Variants in OR1F1 observed in about 807,000 individuals in gnomAD.
OR1F1 encodes the protein olfactory receptor 1F1.
For synonymous variants in OR1F1, 184 were observed against 156.7 expected (o/e 1.17, Z -1.30); for missense variants, 493 against 376.3 (o/e 1.31, Z -2.57).
exon 1 of OR1F1, chr16:3,204,764 C>T (rs771230481): frequency 2.0e-5 from 32 of 1,614,014 alleles, no homozygotes; most frequent in African/African-American, 2.7e-5. Flanking sequence ...GCAGACAATG[C>T]CATCACTCAC....
upstream of OR1F1, among the ~76,000 whole-genome samples, chr16:3,199,590 C>G (rs535518812): frequency 1.3e-5 from 2 of 152,256 alleles, no homozygotes; most frequent in Non-Finnish European, 2.9e-5. Flanking sequence ...CTTGGCCTCC[C>G]AAAGTGCTAG....
chr16:3,204,827 T>A lies in OR1F1; in HGVS notation c.581T>A (p.Leu194His), dbSNP rs756218679. 3.7e-6 allele frequency: 6 copies of A among 1,614,154 alleles called. No individual in the cohort carries two copies. In the South Asian group the frequency reaches 6.6e-5, roughly 18 times the overall value. Residue 194 changes from leucine (L) to histidine (H), a missense_variant, in exon 1 of 1, where the codon CTC (leucine) becomes CAC (histidine). By Grantham distance (99) the Leu-to-His change is moderately conservative. Transcript: ENST00000304646. ...AAACTCTCCTGCTCAGACACACACC[T>A]CAATGAGGTCATAATCCTTAGTGAG...
At chr16:3,204,109 A>G (rs1958169949), upstream of OR1F1, 1 of 655,342 alleles carries the variant, frequency 1.5e-6, no homozygotes, top group Non-Finnish European at 2.6e-6. Flanking sequence ...TAGCAGCCCC[A>G]GCAGGGTTGA....
At chr16:3,196,967 G>T in the OR1F1 span, among the ~76,000 whole-genome samples, 2 of 152,156 alleles carry the variant, frequency 1.3e-5, no homozygotes, top group South Asian at 4.1e-4. Context: ...ACCTCCGCCT[G>T]CCGGCTTCAA....
chr16:3,205,138 A>C (rs1171917087), exon 1 of OR1F1: 1 of 1,613,038 alleles, frequency 6.2e-7, no homozygotes, highest in East Asian at 2.2e-5. Context: ...CAGGTACTTG[A>C]AAGGGGCTCT....
upstream of OR1F1, among the ~76,000 whole-genome samples, chr16:3,200,368 A>C (rs1958123101): frequency 6.6e-6 from 1 of 152,170 alleles, no homozygotes; most frequent in African/African-American, 2.4e-5. Flanking sequence ...CCACTTTCGG[A>C]GGCCGAGAGG....
the OR1F1 span, among the ~76,000 whole-genome samples, chr16:3,191,678 G>A: frequency 1.3e-5 from 2 of 151,956 alleles, no homozygotes; most frequent in Non-Finnish European, 2.9e-5. Flanking sequence ...CTCAATGATT[G>A]AATTTTGGTC....
the OR1F1 span, chr16:3,191,435 G>C: frequency 6.6e-6 from 1 of 152,222 alleles, no homozygotes; most frequent in South Asian, 2.1e-4. Flanking sequence ...GATTCATTAC[G>C]TCACTTAGTT....
the OR1F1 span, among the ~76,000 whole-genome samples, chr16:3,194,035 T>G: frequency 6.6e-6 from 1 of 152,068 alleles, no homozygotes; most frequent in Non-Finnish European, 1.5e-5. Context: ...TATCACGCCT[T>G]TTAAAAAGGA....
At chr16:3,193,805 C>G in the OR1F1 span, among the ~76,000 whole-genome samples, 2 of 152,188 alleles carry the variant, frequency 1.3e-5, no homozygotes, top group African/African-American at 4.8e-5. Flanking sequence ...CTATGTTGCT[C>G]AAGCTGGCAT....
chr16:3,195,676 C>CA, the OR1F1 span, among the ~76,000 whole-genome samples: 49,488 of 99,062 alleles, frequency 0.5, 10,619 homozygotes, highest in African/African-American at 0.56. Flanking sequence ...GAGTGGAACT[C>CA]AAAAAAAAAA....
chr16:3,200,532 G>A (rs1329512995), upstream of OR1F1, among the ~76,000 whole-genome samples: 1 of 152,150 alleles, frequency 6.6e-6, no homozygotes, highest in Non-Finnish European at 1.5e-5. Flanking sequence ...GCGTGGACCC[G>A]GGAGGCAGTG....
At chr16:3,204,985 G>A in exon 1 of OR1F1, 1 of 1,614,176 alleles carries the variant, frequency 6.2e-7, no homozygotes, top group Non-Finnish European at 8.5e-7. Context: ...TCACCTGGCT[G>A]TGGTTCTCCT....
upstream of OR1F1, among the ~76,000 whole-genome samples, chr16:3,202,660 A>AAATAAT (rs3064190): frequency 9.6e-3 from 1,361 of 141,812 alleles, 10 homozygotes; most frequent in East Asian, 0.021. Context: ...TTCCATCTCA[A>AAATAAT]AATAATAATA....
At chr16:3,197,458 C>T in the OR1F1 span, among the ~76,000 whole-genome samples, 1 of 152,238 alleles carries the variant, frequency 6.6e-6, no homozygotes, top group South Asian at 2.1e-4. Flanking sequence ...CTCTGGCATG[C>T]TTTCCTCTAA....
chr16:3,200,165 A>G (rs539678404), upstream of OR1F1, among the ~76,000 whole-genome samples: 4 of 152,122 alleles, frequency 2.6e-5, no homozygotes, highest in Non-Finnish European at 5.9e-5. Context: ...ATGGTTATTC[A>G]TAAGGAGATG....
the OR1F1 span, among the ~76,000 whole-genome samples, chr16:3,195,932 A>G: frequency 1.3e-5 from 2 of 152,182 alleles, no homozygotes; most frequent in Non-Finnish European, 2.9e-5. Flanking sequence ...CAGCCCCACC[A>G]GGTGGGTTTG....
At chr16:3,201,845 G>A (rs1958139028), upstream of OR1F1, among the ~76,000 whole-genome samples, 1 of 152,220 alleles carries the variant, frequency 6.6e-6, no homozygotes, top group South Asian at 2.1e-4. Context: ...ATGACTCAGT[G>A]ACCCAAACGT....
At chr16:3,201,969 G>C (rs1234903929), upstream of OR1F1, among the ~76,000 whole-genome samples, 1 of 152,168 alleles carries the variant, frequency 6.6e-6, no homozygotes, top group Non-Finnish European at 1.5e-5. Flanking sequence ...TCAGCACACT[G>C]CCTATGGGGG....
Sources: gnomAD v4.1 joint callset for allele counts (sites outside exome capture counted in the v4.1 genomes callset) on GRCh38, gnomAD v4.1.1 for gene constraint, MANE v1.5 for transcripts, NCBI Gene and HGNC (gene_info 2026-07-23, HGNC 2026-07-21) for gene names.